The following CLVS1 variants were observed in gnomAD, a reference collection of about 807,000 sequenced individuals.
The protein encoded by CLVS1 is clavesin 1.
CLVS1 carries 10 observed loss-of-function variants against 33.1 expected under a neutral mutation model. The ratio of observed to expected loss-of-function variants is 0.30; its 90% CI spans 0.19 to 0.51. The LOEUF (loss-of-function observed/expected upper bound fraction) is 0.51. CLVS1 is among the 20% of genes least tolerant of loss of function. CLVS1 has a pLI of 0.97. For missense variants in CLVS1, 343 were observed against 433.4 expected (o/e 0.79, Z 1.85); for synonymous variants, 163 against 166.1 (o/e 0.98, Z 0.14).
chr8:61,300,372 G>T lies in CLVS1; in HGVS notation c.455+90G>T, dbSNP rs1004059706. The T allele has an allele frequency of 6.9e-5, 78 of 1,136,254 alleles. No homozygotes were observed. The East Asian group carries it at 2.0e-3, about 29-fold the overall frequency. The allele number at this position is 1,136,254 out of a possible 1,614,324, so 70.4% of individuals were successfully genotyped here. ...GGTTGTATGGCTTTATATGTAATGG[G>T]CTTTCATTAAAAAATATTTCACATG... is the stretch of plus-strand genomic sequence containing the variant. On this transcript the variant is annotated intron_variant, in intron 2 of 5. Coordinates refer to ENST00000325897, the MANE Select transcript of CLVS1 (RefSeq NM_173519.3).
chr8:61,216,637 C>T (rs2931339), intron 2 of CLVS1, among the ~76,000 whole-genome samples: 72,181 of 151,874 alleles, frequency 0.48, 17,915 homozygotes, highest in East Asian at 0.82. Context: ...GTATTTTATC[C>T]AGGGCAGTGA....
At chr8:61,080,658 A>G (rs963414937) in intron 1 of CLVS1, among the ~76,000 whole-genome samples, 7 of 152,222 alleles carry the variant, frequency 4.6e-5, no homozygotes, top group African/African-American at 1.4e-4. Flanking sequence ...TTGAGTAACT[A>G]TTGTTTGCAA....
chr8:61,153,999 T>C (rs1024392926), intron 2 of CLVS1, among the ~76,000 whole-genome samples: 3 of 152,144 alleles, frequency 2.0e-5, no homozygotes, highest in Non-Finnish European at 4.4e-5. Context: ...AGAGTGAATA[T>C]CTGGGAGCTG....
intron 2 of CLVS1, among the ~76,000 whole-genome samples, chr8:61,139,187 C>G (rs1806254089): frequency 6.6e-6 from 1 of 152,152 alleles, no homozygotes; most frequent in African/African-American, 2.4e-5. Flanking sequence ...CCTGGCGCCG[C>G]CGGTGGCGCC....
At chr8:60,999,551 AT>A in the CLVS1 span, among the ~76,000 whole-genome samples, 1 of 152,222 alleles carries the variant, frequency 6.6e-6, no homozygotes, top group African/African-American at 2.4e-5. Context: ...TGAGAATTAA[AT>A]GAAAACATTA....
intron 2 of CLVS1, among the ~76,000 whole-genome samples, chr8:61,164,799 T>A (rs1380697857): frequency 3.9e-5 from 6 of 152,194 alleles, no homozygotes; most frequent in Non-Finnish European, 7.3e-5. Flanking sequence ...TCTTGCCTAC[T>A]AAACTTTTCG....
At chr8:61,466,322 CCACT>C (rs1185081045) in intron 5 of CLVS1, among the ~76,000 whole-genome samples, 3 of 152,188 alleles carry the variant, frequency 2.0e-5, no homozygotes, top group African/African-American at 7.2e-5. Context: ...CAGGTTCTCT[CCACT>C]GTGTCCAGCA....
At chr8:61,074,009 CA>C (rs35959369) in intron 1 of CLVS1, among the ~76,000 whole-genome samples, 15,428 of 70,336 alleles carry the variant, frequency 0.22, 775 homozygotes, top group East Asian at 0.41. Flanking sequence ...GACTCCGTCT[CA>C]AAAAAAAAAA....
At chr8:61,239,923 G>C (rs1452938843) in intron 2 of CLVS1, among the ~76,000 whole-genome samples, 1 of 152,112 alleles carries the variant, frequency 6.6e-6, no homozygotes, top group Admixed American at 6.5e-5. Flanking sequence ...TGGGTACCAT[G>C]CCCTGGGTAC....
chr8:61,450,221 AGG>A, intron 3 of CLVS1, among the ~76,000 whole-genome samples: 1 of 152,356 alleles, frequency 6.6e-6, no homozygotes, highest in Non-Finnish European at 1.5e-5. Flanking sequence ...CACCTAACTG[AGG>A]GTAAACTTAC....
chr8:61,451,810 C>CAGAGAG (rs545429020), intron 3 of CLVS1, among the ~76,000 whole-genome samples: 3,299 of 137,054 alleles, frequency 0.024, 50 homozygotes, highest in Admixed American at 0.033. Context: ...CACACACACA[C>CAGAGAG]ACAGAGAGAG....
intron 1 of CLVS1, among the ~76,000 whole-genome samples, chr8:61,066,102 C>A (rs548769441): frequency 4.6e-5 from 7 of 152,074 alleles, no homozygotes; most frequent in African/African-American, 1.7e-4. Context: ...TTGGGAAGGA[C>A]GTAAGGGGGT....
At chr8:61,482,162 A>T (rs980821290) in intron 5 of CLVS1, among the ~76,000 whole-genome samples, 3 of 152,256 alleles carry the variant, frequency 2.0e-5, no homozygotes, top group African/African-American at 7.2e-5. Context: ...AAAACTAACA[A>T]ACAGAAAGGA....
intron 3 of CLVS1, among the ~76,000 whole-genome samples, chr8:61,428,617 C>T (rs559449945): frequency 6.6e-6 from 1 of 152,350 alleles, no homozygotes; most frequent in South Asian, 2.1e-4. Flanking sequence ...GAAAAAGGCA[C>T]ATTCCTCCCC....
At chr8:61,076,173 T>C (rs1165058333) in intron 1 of CLVS1, among the ~76,000 whole-genome samples, 1 of 152,184 alleles carries the variant, frequency 6.6e-6, no homozygotes, top group Non-Finnish European at 1.5e-5. Context: ...TCTCTCTCCC[T>C]CCCTCCTTCT....
chr8:61,296,839 T>C (rs1194549899), intron 1 of CLVS1, among the ~76,000 whole-genome samples: 1 of 152,172 alleles, frequency 6.6e-6, no homozygotes, highest in African/African-American at 2.4e-5. Context: ...CCCATGGAGC[T>C]GACTCTTTTG....
At chr8:61,323,333 C>A (rs1274658846) in intron 2 of CLVS1, among the ~76,000 whole-genome samples, 5 of 152,158 alleles carry the variant, frequency 3.3e-5, no homozygotes, top group African/African-American at 1.2e-4. Flanking sequence ...CACTCCTACT[C>A]CATCCTGTTG....
At chr8:61,292,254 A>G (rs1328092393) in intron 1 of CLVS1, 2 of 439,846 alleles carry the variant, frequency 4.5e-6, no homozygotes, top group Non-Finnish European at 9.2e-6. Context: ...GGAGAAAGTT[A>G]TAAAAATAGC....
chr8:61,447,537 T>A (rs536911380), intron 3 of CLVS1, among the ~76,000 whole-genome samples: 27 of 151,926 alleles, frequency 1.8e-4, no homozygotes, highest in Admixed American at 8.5e-4. Flanking sequence ...TTATTAAATA[T>A]ATCTTTTCAT....
Sources: allele counts gnomAD v4.1 joint callset (sites outside exome capture counted in the v4.1 genomes callset), GRCh38; gene constraint gnomAD v4.1.1; transcripts MANE v1.5; gene names NCBI Gene and HGNC (gene_info 2026-07-23, HGNC 2026-07-21).